The following TAB2 variants were observed in gnomAD, a reference collection of about 807,000 sequenced individuals.
TAB2 encodes the protein TGF-beta activated kinase 1 (MAP3K7) binding protein 2.
Under a neutral mutation model 65.0 loss-of-function variants are expected in TAB2, and 3 were observed. That is an observed-to-expected ratio of 0.05 (90% CI 0.02 to 0.12). The LOEUF is 0.12. TAB2 is among the 10% of genes least tolerant of loss of function. The pLI, the probability that TAB2 is intolerant of heterozygous loss-of-function variation, is 1.00. For missense variants in TAB2, 623 were observed against 840.3 expected, an observed-to-expected ratio of 0.74 and a Z score of 3.20; for synonymous variants, 298 against 285.1, an observed-to-expected ratio of 1.05 and a Z score of -0.46.
upstream of TAB2, among the ~76,000 whole-genome samples, chr6:149,315,657 A>G (rs1258930199): frequency 6.6e-6 from 1 of 152,158 alleles, no homozygotes; most frequent in East Asian, 1.9e-4. Context: ...TTTCGTTACC[A>G]TGTCTTTAGT....
chr6:149,287,493 T>TAAAAAAAA lies in TAB2; in HGVS notation c.-121+68722_-121+68723insAAAAAAAA, dbSNP rs201156738. Among the ~76,000 whole-genome samples the TAAAAAAAA allele has an allele frequency of 6.7e-3, 1,008 of 150,776 alleles. 8 individuals are homozygous for TAAAAAAAA. The highest frequency in any genetic ancestry group is 0.024 in the African/African-American group (968 of 41,086). ...AAACTTTGTTTTCTGTTTTTTTTTTTAAAAAGAAAGTATTAGAAAATTGTG... is the reference window on the plus strand; with the variant it reads ...AAACTTTGTTTTCTGTTTTTTTTTTTAAAAAAAAAAAAAGAAAGTATTAGAAAATTGTG... On this transcript the variant is annotated intron_variant, in intron 1 of 1. Transcript: ENST00000606202.
intron 6 of TAB2, chr6:149,400,639 C>G (rs1473855220): frequency 1.9e-6 from 3 of 1,614,188 alleles, no homozygotes; most frequent in Admixed American, 1.7e-5. Flanking sequence ...GATGAAGATA[C>G]AATTGATGTG....
intron 2 of TAB2, among the ~76,000 whole-genome samples, chr6:149,373,938 G>A (rs1267049218): frequency 6.6e-6 from 1 of 152,136 alleles, no homozygotes; most frequent in African/African-American, 2.4e-5. Flanking sequence ...GATTCATGTC[G>A]TATACCGAGG....
At chr6:149,364,833 G>C (rs1780987695) in intron 1 of TAB2, among the ~76,000 whole-genome samples, 1 of 151,158 alleles carries the variant, frequency 6.6e-6, no homozygotes. Context: ...TACTCTTATA[G>C]TCCTAGAAAC....
intron 3 of TAB2, among the ~76,000 whole-genome samples, chr6:149,396,235 C>T (rs1199959947): frequency 2.6e-5 from 4 of 152,212 alleles, no homozygotes; most frequent in Non-Finnish European, 5.9e-5. Flanking sequence ...CCAGTCTGGT[C>T]TCGAACTCCT....
At chr6:149,223,202 A>T (rs1478771394) in intron 1 of TAB2, among the ~76,000 whole-genome samples, 1 of 152,258 alleles carries the variant, frequency 6.6e-6, no homozygotes, top group Non-Finnish European at 1.5e-5. Context: ...TAAGACAATG[A>T]GGATTCACCA....
intron 1 of TAB2, among the ~76,000 whole-genome samples, chr6:149,368,848 CTTATT>C (rs1781127406): frequency 6.6e-6 from 1 of 152,024 alleles, no homozygotes; most frequent in African/African-American, 2.4e-5. Flanking sequence ...TAAGTGAGCG[CTTATT>C]TTATTGAGCA....
At chr6:149,314,457 G>A (rs1779216577), upstream of TAB2, among the ~76,000 whole-genome samples, 1 of 152,086 alleles carries the variant, frequency 6.6e-6, no homozygotes, top group South Asian at 2.1e-4. Flanking sequence ...CACAGATATC[G>A]GTCCCTTTTC....
chr6:149,400,299 T>A (rs1255742627), intron 6 of TAB2: 2 of 1,415,358 alleles, frequency 1.4e-6, no homozygotes, highest in East Asian at 4.6e-5. Context: ...CGCTGTCACC[T>A]CCTGCTGCTC....
chr6:149,223,807 C>T (rs1777208895), intron 1 of TAB2, among the ~76,000 whole-genome samples: 1 of 151,926 alleles, frequency 6.6e-6, no homozygotes, highest in Non-Finnish European at 1.5e-5. Context: ...TAGTTTAAAC[C>T]TTCAAAGCCA....
intron 1 of TAB2, among the ~76,000 whole-genome samples, chr6:149,346,059 C>T (rs1437437945): frequency 6.6e-6 from 1 of 152,104 alleles, no homozygotes; most frequent in Admixed American, 6.5e-5. Flanking sequence ...CCACTTTAAA[C>T]ACGTGTGTTT....
intron 1 of TAB2, among the ~76,000 whole-genome samples, chr6:149,320,523 C>A (rs199958363): frequency 6.0e-5 from 3 of 49,956 alleles, no homozygotes; most frequent in Non-Finnish European, 1.2e-4. Context: ...AGGAAAATTT[C>A]TTTTCCCAAA....
intron 1 of TAB2, among the ~76,000 whole-genome samples, chr6:149,337,869 TTAGAGA>T (rs942265551): frequency 1.1e-4 from 16 of 152,112 alleles, no homozygotes; most frequent in Non-Finnish European, 1.5e-4. Context: ...TGGTAAGCAG[TTAGAGA>T]TAGAGTAAAA....
At chr6:149,358,408 T>C (rs796518059) in intron 1 of TAB2, among the ~76,000 whole-genome samples, 2 of 152,192 alleles carry the variant, frequency 1.3e-5, no homozygotes, top group Non-Finnish European at 2.9e-5. Context: ...TCAAAAAGTT[T>C]CCAGTTTTCG....
chr6:149,264,073 G>C (rs982585459), intron 1 of TAB2, among the ~76,000 whole-genome samples: 4 of 152,236 alleles, frequency 2.6e-5, no homozygotes, highest in African/African-American at 9.6e-5. Context: ...GCACAGGCAG[G>C]CCGCTGTAGG....
chr6:149,392,501 C>G (rs145187810), intron 3 of TAB2, among the ~76,000 whole-genome samples: 83 of 152,320 alleles, frequency 5.4e-4, no homozygotes, highest in African/African-American at 1.9e-3. Flanking sequence ...ACTTAAGCCT[C>G]TGTGTTCTGG....
At chr6:149,255,626 G>A (rs1778009722) in intron 1 of TAB2, among the ~76,000 whole-genome samples, 1 of 152,162 alleles carries the variant, frequency 6.6e-6, no homozygotes, top group Non-Finnish European at 1.5e-5. Flanking sequence ...AATTATGCTA[G>A]TGTCTTTGAT....
At chr6:149,240,064 A>T (rs1777569664) in intron 1 of TAB2, among the ~76,000 whole-genome samples, 2 of 152,240 alleles carry the variant, frequency 1.3e-5, no homozygotes, top group South Asian at 4.1e-4. Context: ...TTTCAGTTCC[A>T]GAATGCCCAG....
intron 1 of TAB2, among the ~76,000 whole-genome samples, chr6:149,336,486 A>C (rs893321884): frequency 6.6e-6 from 1 of 152,128 alleles, no homozygotes; most frequent in Non-Finnish European, 1.5e-5. Flanking sequence ...TCTATGTGTA[A>C]GCACATAGCA....
Sources: gnomAD v4.1 joint callset for allele counts (sites outside exome capture counted in the v4.1 genomes callset) on GRCh38, gnomAD v4.1.1 for gene constraint, MANE v1.5 for transcripts, NCBI Gene and HGNC (gene_info 2026-07-23, HGNC 2026-07-21) for gene names.